BPTF: variants seen among roughly 807,000 people sequenced by gnomAD.
BPTF encodes the protein nucleosome-remodeling factor subunit BPTF.
Under a neutral mutation model 292.5 loss-of-function variants are expected in BPTF, and 18 were observed. That is an observed-to-expected ratio of 0.06 (90% CI 0.04 to 0.09). The LOEUF (loss-of-function observed/expected upper bound fraction) is 0.09, where lower values mean the gene tolerates loss of function less well. BPTF is among the 10% of genes least tolerant of loss of function. The pLI, the probability that BPTF is intolerant of heterozygous loss-of-function variation, is 1.00. For synonymous variants in BPTF, 1,225 were observed against 1,251.9 expected (o/e 0.98, Z 0.45); for missense variants, 2,726 against 3,498.7 (o/e 0.78, Z 5.57).
At chr17:67,953,611 T>C (rs2148132434) in intron 23 of BPTF, among the ~76,000 whole-genome samples, 1 of 150,222 alleles carries the variant, frequency 6.7e-6, no homozygotes, top group African/African-American at 2.4e-5. Context: ...GTTTTGCTCT[T>C]ATTGCCCAGG....
At chr17:67,879,500 G>A (rs1398507609) in intron 4 of BPTF, among the ~76,000 whole-genome samples, 1 of 152,182 alleles carries the variant, frequency 6.6e-6, no homozygotes, top group African/African-American at 2.4e-5. Flanking sequence ...TTTTCACTGT[G>A]AGAAGGTTAT....
chr17:67,975,680 A>G, intron 26 of BPTF, 92 bp from the exon 27 acceptor site: 1 of 1,165,570 alleles, frequency 8.6e-7, no homozygotes, highest in Non-Finnish European at 1.2e-6. Context: ...CTGCTTGCAC[A>G]GTAAACATAT....
chr17:67,906,432 A>G (rs1273675268), intron 9 of BPTF, among the ~76,000 whole-genome samples: 1 of 152,214 alleles, frequency 6.6e-6, no homozygotes, highest in East Asian at 1.9e-4. Context: ...TTTAGTATTT[A>G]GAATCACCGA....
chr17:67,902,395 C>T (rs796811508), intron 7 of BPTF, among the ~76,000 whole-genome samples: 7 of 152,264 alleles, frequency 4.6e-5, no homozygotes, highest in African/African-American at 1.2e-4. Flanking sequence ...ATAGTCACCC[C>T]GCCTTACTCC....
chr17:67,939,693 T>C (rs994476519), intron 18 of BPTF, among the ~76,000 whole-genome samples: 3 of 152,202 alleles, frequency 2.0e-5, no homozygotes, highest in East Asian at 3.8e-4. Flanking sequence ...CTGACTAACA[T>C]GGTGAAACCC....
chr17:67,850,075 A>G (rs1434461919), intron 1 of BPTF, among the ~76,000 whole-genome samples: 2 of 152,218 alleles, frequency 1.3e-5, no homozygotes, highest in Non-Finnish European at 2.9e-5. Context: ...AGAAATCAAA[A>G]CACATTTCTA....
Position 67,854,334 on chromosome 17 carries a change from T to C in BPTF, c.1008T>C (p.Ser336=). 4 of 1,614,058 alleles carry C rather than the reference T, an allele frequency of 2.5e-6. No individual in the cohort carries two copies. Among genetic ancestry groups the C allele is most frequent in the Non-Finnish European group, 3.4e-6 (4 of 1,180,002 alleles). Residue 336 remains serine, a synonymous_variant, in exon 2 of 28, where the codon AGT becomes AGC. Coordinates refer to ENST00000306378, the MANE Select transcript of BPTF (RefSeq NM_182641.4). This position sits in a 1 kb window ranked among gnomAD's most constrained non-coding sequence, Gnocchi z 5.6. The part of the protein sequence containing the change: ...WPEVLRVYCE[S]DKEYHHVLPY... ...AGGTGCTGCGGGTGTACTGTGAGAG[T>C]GATAAGGAGTACCATCACGTTCTTC...
chr17:67,852,989 T>C (rs1295797817), intron 1 of BPTF, among the ~76,000 whole-genome samples: 1 of 151,970 alleles, frequency 6.6e-6, no homozygotes, highest in African/African-American at 2.4e-5. Context: ...ATACAAAAAT[T>C]AGCTGGGGTG....
At chr17:67,850,450 C>T (rs2144824921) in intron 1 of BPTF, among the ~76,000 whole-genome samples, 1 of 152,280 alleles carries the variant, frequency 6.6e-6, no homozygotes, top group East Asian at 1.9e-4. Context: ...CTCACTGCAA[C>T]CTCCGTCTCC....
intron 15 of BPTF, among the ~76,000 whole-genome samples, chr17:67,925,519 T>G (rs1295898270): frequency 6.6e-6 from 1 of 151,980 alleles, no homozygotes; most frequent in Non-Finnish European, 1.5e-5. Flanking sequence ...AAAAGCAAAA[T>G]TTTAAAAATA....
At chr17:67,915,771 C>G (rs907003485) in intron 11 of BPTF, among the ~76,000 whole-genome samples, 1 of 152,154 alleles carries the variant, frequency 6.6e-6, no homozygotes, top group African/African-American at 2.4e-5. Context: ...CTTGTCCTTT[C>G]CTCTCTTACA....
chr17:67,905,976 C>A (rs1247207473), intron 9 of BPTF, among the ~76,000 whole-genome samples: 3 of 151,986 alleles, frequency 2.0e-5, no homozygotes, highest in African/African-American at 7.3e-5. Context: ...GTGCAGCACA[C>A]CAACATGGCA....
At chr17:67,960,635 C>A (rs1327921196) in intron 24 of BPTF, among the ~76,000 whole-genome samples, 7 of 152,138 alleles carry the variant, frequency 4.6e-5, no homozygotes, top group African/African-American at 1.7e-4. Flanking sequence ...TGTAGTCCAG[C>A]TTTTTAAAGC....
intron 23 of BPTF, among the ~76,000 whole-genome samples, chr17:67,949,482 G>T (rs58427954): frequency 0.021 from 3,261 of 151,988 alleles, 118 homozygotes; most frequent in African/African-American, 0.075. Flanking sequence ...TGCTGAGGCA[G>T]GATAATCGTT....
intron 7 of BPTF, among the ~76,000 whole-genome samples, chr17:67,901,924 T>C (rs1470928427): frequency 6.6e-6 from 1 of 152,228 alleles, no homozygotes; most frequent in African/African-American, 2.4e-5. Flanking sequence ...ACATAAAATA[T>C]TGTTTGTTAC....
intron 18 of BPTF, among the ~76,000 whole-genome samples, chr17:67,932,977 C>T (rs748439389): frequency 5.3e-5 from 8 of 151,986 alleles, no homozygotes; most frequent in Non-Finnish European, 8.8e-5. Flanking sequence ...ATCAGCCAGG[C>T]GCAGTTGCTC....
intron 1 of BPTF, among the ~76,000 whole-genome samples, chr17:67,832,338 ATATAAT>A (rs749914925): frequency 1.4e-4 from 22 of 151,770 alleles, no homozygotes; most frequent in Non-Finnish European, 2.6e-4. Flanking sequence ...ATGCACGTAA[ATATAAT>A]TATAATGTTT....
chr17:67,954,138 G>A (rs564211899), intron 23 of BPTF, among the ~76,000 whole-genome samples: 1 of 145,250 alleles, frequency 6.9e-6, no homozygotes, highest in East Asian at 2.0e-4. Context: ...GGGTACGGGC[G>A]AATGCCATGC....
intron 1 of BPTF, among the ~76,000 whole-genome samples, chr17:67,851,529 AAG>A (rs1319697153): frequency 6.6e-6 from 1 of 152,350 alleles, no homozygotes; most frequent in Admixed American, 6.5e-5. Flanking sequence ...TAAAAGTAGA[AAG>A]AGAATAGAAT....
Sources: gnomAD v4.1 joint callset for allele counts (sites outside exome capture counted in the v4.1 genomes callset) on GRCh38, gnomAD v4.1.1 for gene constraint, Gnocchi (gnomAD v3.1) non-coding constraint, MANE v1.5 for transcripts, NCBI Gene and HGNC (gene_info 2026-07-23, HGNC 2026-07-21) for gene names.